The following CHRM3 variants were observed in gnomAD, a reference collection of about 807,000 sequenced individuals.
CHRM3 encodes muscarinic acetylcholine receptor M3.
Under a neutral mutation model 41.8 loss-of-function variants are expected in CHRM3, and 11 were observed. The observed-to-expected ratio is 0.26, with a 90% CI of 0.17 to 0.44. The LOEUF is 0.44. Among genes scored for constraint, CHRM3 ranks in the 20% least tolerant of loss-of-function variants. The pLI is 1.00. For synonymous variants in CHRM3, 297 were observed against 301.4 expected, an observed-to-expected ratio of 0.99 and a Z score of 0.15; for missense variants, 571 against 745.4, an observed-to-expected ratio of 0.77 and a Z score of 2.72.
intron 4 of CHRM3, among the ~76,000 whole-genome samples, chr1:239,643,383 G>C (rs571025967): frequency 6.6e-6 from 1 of 152,204 alleles, no homozygotes; most frequent in Non-Finnish European, 1.5e-5. Context: ...GGAGCCTACA[G>C]AGGCAGGCAG....
intron 5 of CHRM3, 36 bp downstream of exon 5, chr1:239,678,324 T>C (rs1658211057): frequency 6.6e-6 from 1 of 152,198 alleles, no homozygotes; most frequent in East Asian, 1.9e-4. Flanking sequence ...ACTGACATTT[T>C]TGAATCATAA....
intron 5 of CHRM3, among the ~76,000 whole-genome samples, chr1:239,810,876 T>C (rs1671066055): frequency 6.6e-6 from 1 of 152,222 alleles, no homozygotes; most frequent in Admixed American, 6.5e-5. Context: ...AATCGCCATC[T>C]GTAAGAATAA....
chr1:239,865,845 C>G (rs1421132748), intron 6 of CHRM3, among the ~76,000 whole-genome samples: 2 of 152,116 alleles, frequency 1.3e-5, no homozygotes, highest in Non-Finnish European at 2.9e-5. Flanking sequence ...ATGTTAGCTC[C>G]TTGAATACAG....
At chr1:239,696,590 A>C (rs1300610870) in intron 5 of CHRM3, among the ~76,000 whole-genome samples, 1 of 152,212 alleles carries the variant, frequency 6.6e-6, no homozygotes, top group East Asian at 1.9e-4. Context: ...AAGCACCTAC[A>C]GATGAGCCTG....
chr1:239,466,631 A>T (rs963265048), intron 1 of CHRM3, among the ~76,000 whole-genome samples: 1 of 151,790 alleles, frequency 6.6e-6, no homozygotes, highest in Admixed American at 6.6e-5. Flanking sequence ...GTATTATAAT[A>T]TTATAATAAT....
chr1:239,485,835 A>G (rs1667152694), intron 1 of CHRM3, among the ~76,000 whole-genome samples: 1 of 152,056 alleles, frequency 6.6e-6, no homozygotes, highest in South Asian at 2.1e-4. Context: ...TCTTCCACCT[A>G]ATGTTTTCTG....
At chr1:239,499,640 C>A (rs1164571790) in intron 2 of CHRM3, among the ~76,000 whole-genome samples, 1 of 152,018 alleles carries the variant, frequency 6.6e-6, no homozygotes, top group South Asian at 2.1e-4. Flanking sequence ...GGTAGAAATC[C>A]GCAAAAGGAT....
intron 3 of CHRM3, among the ~76,000 whole-genome samples, chr1:239,612,575 A>T (rs6688756): frequency 0.45 from 68,079 of 152,054 alleles, 18,714 homozygotes; most frequent in African/African-American, 0.78. Flanking sequence ...CACTTTTCAC[A>T]AAGCACTGAG....
chr1:239,621,917 A>C (rs1668412099), intron 3 of CHRM3, among the ~76,000 whole-genome samples: 1 of 152,138 alleles, frequency 6.6e-6, no homozygotes, highest in African/African-American at 2.4e-5. Context: ...GCTAGAGAGA[A>C]GTCAAGGCCT....
intron 6 of CHRM3, among the ~76,000 whole-genome samples, chr1:239,842,981 G>T (rs954372979): frequency 6.6e-6 from 1 of 152,058 alleles, no homozygotes; most frequent in Non-Finnish European, 1.5e-5. Flanking sequence ...GCTTTGCTGT[G>T]ATCATCTTGC....
At chr1:239,644,291 A>C (rs746330677) in intron 4 of CHRM3, among the ~76,000 whole-genome samples, 4 of 152,194 alleles carry the variant, frequency 2.6e-5, no homozygotes, top group Non-Finnish European at 4.4e-5. Flanking sequence ...CTAAGTGACT[A>C]GGGACAAAAG....
At chr1:239,476,463 CAAAA>C (rs71567246) in intron 1 of CHRM3, among the ~76,000 whole-genome samples, 1 of 117,698 alleles carries the variant, frequency 8.5e-6, no homozygotes, top group Admixed American at 8.6e-5. Context: ...AGACTCCATC[CAAAA>C]AAAAAAAAAA....
chr1:239,905,143 T>C lies in CHRM3; in HGVS notation c.-19-2290T>C, dbSNP rs147240322. On this transcript the variant is annotated intron_variant, in intron 6 of 6. Coordinates refer to ENST00000676153, the MANE Select transcript of CHRM3 (RefSeq NM_001375978.1). Reference sequence around the variant, plus strand: ...CCATTGTTTCAGGTGATAAAGAGTATCTCATTAATTTTAACATGCACATCA... The same window carrying C: ...CCATTGTTTCAGGTGATAAAGAGTACCTCATTAATTTTAACATGCACATCA... Among the ~76,000 whole-genome samples the C allele has an allele frequency of 2.4e-3, 358 of 152,292 alleles. 2 individuals carry two copies. Among genetic ancestry groups the C allele is most frequent in the African/African-American group, 8.1e-3 (336 of 41,562 alleles).
chr1:239,419,971 ACTGT>A (rs1269659261), intron 1 of CHRM3, among the ~76,000 whole-genome samples: 1 of 152,202 alleles, frequency 6.6e-6, no homozygotes, highest in Non-Finnish European at 1.5e-5. Flanking sequence ...CAGTCCGCTG[ACTGT>A]CTGGTCTTCC....
At chr1:239,635,615 G>T (rs1670378755) in intron 4 of CHRM3, among the ~76,000 whole-genome samples, 2 of 152,104 alleles carry the variant, frequency 1.3e-5, no homozygotes, top group Admixed American at 1.3e-4. Context: ...TATTTCTTAA[G>T]GCATACGAAA....
At chr1:239,608,987 G>A (rs1167136030) in intron 3 of CHRM3, among the ~76,000 whole-genome samples, 1 of 151,896 alleles carries the variant, frequency 6.6e-6, no homozygotes, top group South Asian at 2.1e-4. Context: ...AGACATAATT[G>A]ATATACTATA....
chr1:239,699,527 A>T (rs1572024007), intron 5 of CHRM3, among the ~76,000 whole-genome samples: 1 of 152,102 alleles, frequency 6.6e-6, no homozygotes, highest in Non-Finnish European at 1.5e-5. Flanking sequence ...TTGATCTTGG[A>T]CTTCCCAGAC....
chr1:239,707,915 A>G (rs1661349624), intron 5 of CHRM3, among the ~76,000 whole-genome samples: 1 of 152,248 alleles, frequency 6.6e-6, no homozygotes, highest in Admixed American at 6.5e-5. Flanking sequence ...CTTTCAGACT[A>G]TGATACAGAT....
intron 1 of CHRM3, among the ~76,000 whole-genome samples, chr1:239,394,613 C>G (rs944650598): frequency 1.3e-5 from 2 of 152,150 alleles, no homozygotes; most frequent in Non-Finnish European, 2.9e-5. Flanking sequence ...TTGGACCTCT[C>G]TCTTGTGTTA....
Sources: gnomAD v4.1 joint callset for allele counts (sites outside exome capture counted in the v4.1 genomes callset) on GRCh38, gnomAD v4.1.1 for gene constraint, MANE v1.5 for transcripts, NCBI Gene and HGNC (gene_info 2026-07-23, HGNC 2026-07-21) for gene names.